The following FNDC3A variants were observed in gnomAD, a reference collection of about 807,000 sequenced individuals.
FNDC3A encodes fibronectin type-III domain-containing protein 3A.
A neutral mutation model predicts 148.9 loss-of-function variants in FNDC3A; 32 were observed. The observed-to-expected ratio is 0.21, with a 90% CI of 0.16 to 0.29. The LOEUF is 0.29. Ranked by LOEUF, FNDC3A falls within the 10% of genes least tolerant of loss-of-function variation. The pLI is 1.00. For synonymous variants in FNDC3A, 472 were observed against 473.6 expected, an observed-to-expected ratio of 1.00 and a Z score of 0.04; for missense variants, 1,191 against 1,452.8, an observed-to-expected ratio of 0.82 and a Z score of 2.93.
rs772369808 is a variant in FNDC3A at position 49,197,791 on chromosome 13, A to G, written c.2407A>G (p.Met803Val). 1.7e-5 allele frequency: 28 copies of G among 1,611,198 alleles called. No homozygotes were observed. In the Admixed American group the frequency reaches 3.0e-4, roughly 18 times the overall value. Residue 803 changes from methionine to valine, a missense_variant, in exon 21 of 26, where the codon ATG (methionine) becomes GTG (valine). By Grantham distance (21) the Met-to-Val change is conservative (BLOSUM62 1). Transcript: ENST00000492622. ...GGAGTGGGGAGGAGTTGAAGGAAGT[A>G]TGCAGATATGTTACTGTGGGCCTGG... ...RLEWGGVEGS[M>V]QICYCGPGLS...
chr13:48,984,948 C>T (rs1340538553), intron 1 of FNDC3A, among the ~76,000 whole-genome samples: 1 of 152,154 alleles, frequency 6.6e-6, no homozygotes, highest in Admixed American at 6.5e-5. Context: ...TCCCAGAGTG[C>T]TGTGATTACA....
At chr13:49,123,111 C>T (rs986824521) in intron 4 of FNDC3A, among the ~76,000 whole-genome samples, 1 of 152,158 alleles carries the variant, frequency 6.6e-6, no homozygotes, top group Non-Finnish European at 1.5e-5. Context: ...TACAAATCTA[C>T]AGTAACCAAA....
intron 2 of FNDC3A, among the ~76,000 whole-genome samples, chr13:49,047,017 CCT>C (rs1393201613): frequency 2.0e-5 from 3 of 152,024 alleles, no homozygotes; most frequent in African/African-American, 4.8e-5. Flanking sequence ...CATCCAGTCC[CCT>C]GAGTCCCCAA....
intron 3 of FNDC3A, among the ~76,000 whole-genome samples, chr13:49,099,484 A>C (rs1409125100): frequency 6.6e-6 from 1 of 152,100 alleles, no homozygotes; most frequent in African/African-American, 2.4e-5. Context: ...CAGGGCACCA[A>C]GTGGAAGGAC....
intron 1 of FNDC3A, among the ~76,000 whole-genome samples, chr13:49,000,539 A>G (rs1952107012): frequency 6.6e-6 from 1 of 152,118 alleles, no homozygotes. Flanking sequence ...TTTTCTTTCA[A>G]AATTGCTTTG....
chr13:49,069,896 A>T (rs1234274783), intron 2 of FNDC3A, among the ~76,000 whole-genome samples: 1 of 152,232 alleles, frequency 6.6e-6, no homozygotes, highest in Admixed American at 6.5e-5. Context: ...ATAGTATATT[A>T]TAAGCAAAAG....
Position 49,209,297 on chromosome 13 carries a change from AT to A in FNDC3A, c.*1907del, listed in dbSNP as rs1886791945. 1 of 152,606 alleles carries A rather than the reference AT, an allele frequency of 6.6e-6. No individual in the cohort carries two copies. The highest frequency in any genetic ancestry group is 2.4e-5 in the African/African-American group (1 of 41,446). The allele number at this position is 152,606 out of a possible 1,614,324, so 9.5% of individuals were successfully genotyped here. On this transcript the variant is annotated 3_prime_UTR_variant, in exon 26 of 26. Transcript: ENST00000492622. The stretch of plus-strand genomic sequence containing the variant: ...TCATAGTAATTCAAATGAACTTCCT[AT>A]TTTTGATAGTAAATGTCATTTAATA...
At chr13:49,078,407 A>G (rs976089881) in intron 3 of FNDC3A, among the ~76,000 whole-genome samples, 12 of 152,192 alleles carry the variant, frequency 7.9e-5, no homozygotes, top group Non-Finnish European at 1.3e-4. Context: ...GCAGGGACAC[A>G]TTTCTCTGCT....
intron 4 of FNDC3A, among the ~76,000 whole-genome samples, chr13:49,123,900 G>A (rs1375424654): frequency 2.0e-5 from 3 of 152,200 alleles, no homozygotes. Flanking sequence ...GTTGGTGGTA[G>A]TGTAAATTAG....
At position 49,073,983 on chromosome 13, in the gene FNDC3A, A is replaced by G. The variant is rs778321423; in HGVS notation, c.100-1306A>G. 3.9e-5 allele frequency among the ~76,000 whole-genome samples: 6 copies of G among 151,920 alleles called. No individual in the cohort carries two copies. The East Asian group carries it at 1.2e-3, about 29-fold the overall frequency. ...CTATTTTCATCTGTCAAGGCAGCAA[A>G]GATTTTAAAACTGTAATTTTCAGGG... On this transcript the variant is annotated intron_variant, in intron 2 of 25. Coordinates refer to ENST00000492622, the MANE Select transcript of FNDC3A (RefSeq NM_001079673.2).
At chr13:49,193,638 G>T (rs1886004190) in intron 19 of FNDC3A, among the ~76,000 whole-genome samples, 1 of 152,142 alleles carries the variant, frequency 6.6e-6, no homozygotes, top group Non-Finnish European at 1.5e-5. Context: ...ATGACATATT[G>T]GCCAGGCATG....
At chr13:49,152,513 G>C (rs9535158) in intron 8 of FNDC3A, among the ~76,000 whole-genome samples, 1 of 151,436 alleles carries the variant, frequency 6.6e-6, no homozygotes, top group South Asian at 2.1e-4. Context: ...AAATTGTTTG[G>C]TTTTTTTTTA....
Position 49,186,061 on chromosome 13 carries a change from T to C in FNDC3A, c.1715T>C (p.Val572Ala). Residue 572 changes from valine to alanine, a missense_variant, in exon 15 of 26, where the codon GTG (valine) becomes GCG (alanine). Physicochemically the swap from Val to Ala is moderately conservative, Grantham distance 64. Transcript: ENST00000492622. The part of the protein sequence containing the change: ...DKPGIPVKPS[V>A]KGKIHSHSFK... ...CCAGGCATACCTGTAAAGCCTTCAG[T>C]GAAAGGAAAGATACATTCACACAGT... 1.9e-6 allele frequency: 3 copies of C among 1,613,066 alleles called. No homozygotes were observed. Among genetic ancestry groups the C allele is most frequent in the Non-Finnish European group, 2.5e-6 (3 of 1,179,204 alleles).
At chr13:49,136,765 T>A (rs1182749884) in intron 6 of FNDC3A, among the ~76,000 whole-genome samples, 164 bp downstream of exon 6, 1 of 152,224 alleles carries the variant, frequency 6.6e-6, no homozygotes, top group African/African-American at 2.4e-5. Flanking sequence ...ATTTCATCTA[T>A]ATCGTAAATT....
chr13:49,120,459 C>A (rs1881259201), intron 4 of FNDC3A, among the ~76,000 whole-genome samples: 1 of 152,158 alleles, frequency 6.6e-6, no homozygotes, highest in East Asian at 1.9e-4. Context: ...CAGCTAGCAT[C>A]ATAATGACAG....
At chr13:49,157,762 CTG>C (rs1282065464) in intron 8 of FNDC3A, among the ~76,000 whole-genome samples, 1 of 120,870 alleles carries the variant, frequency 8.3e-6, no homozygotes, top group Non-Finnish European at 1.7e-5. Flanking sequence ...AGCTGCAGGT[CTG>C]TTGGAATACC....
intron 13 of FNDC3A, among the ~76,000 whole-genome samples, chr13:49,177,607 A>G (rs912621043): frequency 6.6e-6 from 1 of 152,222 alleles, no homozygotes; most frequent in Non-Finnish European, 1.5e-5. Flanking sequence ...CATTATTCAT[A>G]ATAGTCAAAA....
At chr13:49,085,731 A>G (rs1241388780) in intron 3 of FNDC3A, among the ~76,000 whole-genome samples, 1 of 152,208 alleles carries the variant, frequency 6.6e-6, no homozygotes, top group African/African-American at 2.4e-5. Context: ...TATTAAAGGC[A>G]CAGGTCTGGG....
rs1305739554 is a variant in FNDC3A at position 49,187,194 on chromosome 13, T to C, written c.1825+4T>C. The C allele has an allele frequency of 1.9e-6, 3 of 1,575,684 alleles. No individual in the cohort carries two copies. The highest frequency in any genetic ancestry group is 2.6e-6 in the Non-Finnish European group (3 of 1,146,268). On this transcript the variant is annotated splice_donor_region_variant and intron_variant, in intron 16 of 25. Coordinates refer to ENST00000492622, the MANE Select transcript of FNDC3A (RefSeq NM_001079673.2). ...GAGATGGCAGAAGGTTCTAACGGTA[T>C]GAATGGATATTAAACACTGATAGAT...
Sources: allele counts gnomAD v4.1 joint callset (sites outside exome capture counted in the v4.1 genomes callset), GRCh38; gene constraint gnomAD v4.1.1; transcripts MANE v1.5; gene names NCBI Gene and HGNC (gene_info 2026-07-23, HGNC 2026-07-21).